Variants in RAD51D observed in about 807,000 individuals in gnomAD.
RAD51D encodes DNA repair protein RAD51 homolog 4.
In RAD51D, 38 loss-of-function variants were observed where a neutral mutation model predicts 44.1. That is an observed-to-expected ratio of 0.86 (90% CI 0.67 to 1.13). RAD51D has a LOEUF of 1.13. Among genes scored for constraint, RAD51D ranks in the 50% most tolerant of loss-of-function variants. RAD51D has a pLI of 0.00. For synonymous variants in RAD51D, 141 were observed against 166.6 expected (o/e 0.85, Z 1.18); for missense variants, 390 against 414.0 (o/e 0.94, Z 0.50).
Position 35,119,666 on chromosome 17 carries a change from C to T in RAD51D, c.-53G>A, listed in dbSNP as rs769783842. On this transcript the variant is annotated 5_prime_UTR_variant, in exon 1 of 10. Transcript: ENST00000345365. ...GGGGACTGCACGTCACGTGGGCATT[C>T]GCGGGGGGTCCTCTCCAGACGCCCC... 8 of 1,584,566 alleles carry T rather than the reference C, an allele frequency of 5.0e-6. No individual in the cohort carries two copies. The South Asian group carries it at 8.8e-5, about 17-fold the overall frequency.
At position 35,100,492 on chromosome 17, in the gene RAD51D, GGGCCCCCATCTAACAAAT is replaced by G. The variant is rs1297342399; in HGVS notation, c.*443_*460del. ...CTCAGAGACAGAGCTAAGGAAGAGT[GGGCCCCCATCTAACAAAT>G]GGAAAGGCAGAGACAAAAGAAAAAA... On this transcript the variant is annotated 3_prime_UTR_variant, in exon 10 of 10. Coordinates refer to ENST00000345365, the MANE Select transcript of RAD51D (RefSeq NM_002878.4). The G allele has an allele frequency of 1.9e-6, 1 of 536,014 alleles. No individual in the cohort carries two copies. The highest frequency in any genetic ancestry group is 3.6e-6 in the Non-Finnish European group (1 of 277,626). The allele number at this position is 536,014 out of a possible 1,614,324, so 33.2% of individuals were successfully genotyped here. A position where few individuals can be genotyped will look rare whatever the true frequency, so the allele number is the denominator to read the frequency against.
Position 35,102,262 on chromosome 17 carries a change from C to T in RAD51D, c.739-897G>A, listed in dbSNP as rs143883497. Among the ~76,000 whole-genome samples, 1,378 of 151,544 alleles carry T rather than the reference C, an allele frequency of 9.1e-3. 24 individuals are homozygous for T. Among genetic ancestry groups the T allele is most frequent in the African/African-American group, 0.032 (1,304 of 41,384 alleles). ...GCATGATCACAGCTCACTGCAGCCT[C>T]GATCTCCCAGGCTCAAGCAATTCTC... On this transcript the variant is annotated intron_variant, in intron 8 of 9. Transcript: ENST00000345365.
chr17:35,119,298 G>A, intron 1 of RAD51D, 126 bp from the exon 2 acceptor site: 1 of 999,278 alleles, frequency 1.0e-6, no homozygotes, highest in Non-Finnish European at 1.6e-6. Flanking sequence ...AGGCCAGTGT[G>A]AAATAACAAA....
At chr17:35,119,260 A>G (rs1249860380) in intron 1 of RAD51D, 88 bp from the exon 2 acceptor site, 6 of 1,259,972 alleles carry the variant, frequency 4.8e-6, no homozygotes, top group East Asian at 2.3e-5. Flanking sequence ...TGGGGTGTCA[A>G]TTCTACCCCC....
rs1308919400 is a variant in RAD51D, at chr17:35,119,644, G to A, written c.-31C>T. 1 of 1,605,106 alleles carries A rather than the reference G, an allele frequency of 6.2e-7. No homozygotes were observed. The highest frequency in any genetic ancestry group is 8.5e-7 in the Non-Finnish European group (1 of 1,178,554). ...CCGCAGGCCGGAACAGCCCCAGGGG[G>A]ACTGCACGTCACGTGGGCATTCGCG... On this transcript the variant is annotated 5_prime_UTR_variant, in exon 1 of 10. Coordinates refer to ENST00000345365, the MANE Select transcript of RAD51D (RefSeq NM_002878.4).
chr17:35,118,549 T>G lies in RAD51D; in HGVS notation c.215A>C (p.Tyr72Ser). 2 of 1,614,146 alleles carry G rather than the reference T, an allele frequency of 1.2e-6. No individual in the cohort carries two copies. The highest frequency in any genetic ancestry group is 1.7e-6 in the Non-Finnish European group (2 of 1,180,028). The change falls in exon 3 of 10, where the codon TAC becomes TCC. Residue 72 changes from tyrosine (Y) to serine (S), a missense_variant. Transcript: ENST00000345365. ...SAFPVNGADL[Y>S]EELKTSTAIL... ...GGCAGTGGAGGTCTTCAGTTCCTCG[T>G]AGAGATCAGCGCCATTCACGGGGAA... is the stretch of plus-strand genomic sequence containing the variant.
rs903265975 is a variant in RAD51D at position 35,095,507 on chromosome 17, G to A, written c.*5446C>T. On this transcript the variant is annotated 3_prime_UTR_variant, in exon 10 of 10. Transcript: ENST00000345365. ...CAAACAAAAGCTAAATTTGGCCTGA[G>A]GGCTAGTCACAGTGGGTCATGCCTA... 6.6e-5 allele frequency: 10 copies of A among 151,932 alleles called. No homozygotes were observed. The highest frequency in any genetic ancestry group is 5.3e-4 in the Admixed American group (8 of 15,210). 9.4% of individuals were successfully genotyped at this position (151,932 alleles called of 1,614,324 possible). A position where few individuals can be genotyped will look rare whatever the true frequency, so the allele number is the denominator to read the frequency against.
At chr17:35,105,725 G>A (rs3785755) in intron 6 of RAD51D, among the ~76,000 whole-genome samples, 2,365 of 152,190 alleles carry the variant, frequency 0.016, 63 homozygotes, top group East Asian at 0.13. Context: ...CAGCGACTGG[G>A]CAGAAATCTG....
At chr17:35,111,686 C>T (rs776778226) in intron 3 of RAD51D, among the ~76,000 whole-genome samples, 2 of 152,130 alleles carry the variant, frequency 1.3e-5, no homozygotes, top group Non-Finnish European at 2.9e-5. Flanking sequence ...AATTATGTAG[C>T]TATATAGCAA....
Position 35,119,556 on chromosome 17 carries a change from G to A in RAD51D, c.58C>T (p.Leu20Phe), listed in dbSNP as rs1555570487. 2 of 1,612,736 alleles carry A rather than the reference G, an allele frequency of 1.2e-6. No individual in the cohort carries two copies. The highest frequency in any genetic ancestry group is 2.7e-5 in the African/African-American group (2 of 75,054). The change falls in exon 1 of 10, where the codon CTC becomes TTC. Residue 20 changes from leucine to phenylalanine, a missense_variant. Leu to Phe is a conservative substitution (Grantham distance 22). Coordinates refer to ENST00000345365, the MANE Select transcript of RAD51D (RefSeq NM_002878.4). ...PGLTEEMIQL[L>F]RSHRIKTVVD... ...CCTGTCTTGATCCTGTGGCTCCTGAGAAGCTGGATCATCTCCTCGGTAAGG... is the reference window on the plus strand; with the variant it reads ...CCTGTCTTGATCCTGTGGCTCCTGAAAAGCTGGATCATCTCCTCGGTAAGG...
At chr17:35,107,951 T>C (rs1026226189) in intron 3 of RAD51D, among the ~76,000 whole-genome samples, 5 of 151,562 alleles carry the variant, frequency 3.3e-5, no homozygotes, top group Non-Finnish European at 1.5e-5. Flanking sequence ...GGTTTCACCA[T>C]GTTGGCCAGC....
intron 3 of RAD51D, among the ~76,000 whole-genome samples, chr17:35,112,282 T>C (rs1397106244): frequency 6.6e-6 from 1 of 152,146 alleles, no homozygotes; most frequent in Non-Finnish European, 1.5e-5. Flanking sequence ...TTCTCTGTGT[T>C]AGCCAGGATG....
chr17:35,113,649 A>C (rs1024259891), intron 3 of RAD51D: 2 of 354,966 alleles, frequency 5.6e-6, no homozygotes, highest in Non-Finnish European at 1.1e-5. Context: ...TTACCACTCT[A>C]GCCCTGTGGC....
Position 35,092,927 on chromosome 17 carries a change from A to G in RAD51D, c.*8026T>C, listed in dbSNP as rs928792366. The G allele has an allele frequency of 4.5e-4, 69 of 152,366 alleles. No homozygotes were observed. Among genetic ancestry groups the G allele is most frequent in the African/African-American group, 1.7e-3 (69 of 41,574 alleles). The allele number at this position is 152,366 out of a possible 1,614,324, so 9.4% of individuals were successfully genotyped here. A position where few individuals can be genotyped will look rare whatever the true frequency, so the allele number is the denominator to read the frequency against. On this transcript the variant is annotated 3_prime_UTR_variant, in exon 10 of 10. Coordinates refer to ENST00000345365, the MANE Select transcript of RAD51D (RefSeq NM_002878.4). ...CATTCCTGGAGACAGAACTGGCTAC[A>G]CTGTTTGCAAGAAACAGTGCAAAAT... is the stretch of plus-strand genomic sequence containing the variant.
At position 35,107,256 on chromosome 17, in the gene RAD51D, C is replaced by T. The variant is rs1160044721; in HGVS notation, c.345+110G>A. The T allele has an allele frequency of 2.1e-6, 3 of 1,448,564 alleles. No homozygotes were observed. The Admixed American group carries it at 5.1e-5, about 24-fold the overall frequency. 89.7% of individuals were successfully genotyped at this position (1,448,564 alleles called of 1,614,324 possible). ...CCCCATTCCTTATTACCCATCTTCT[C>T]TCTGTTGGGCTCTGAACCCATTAGT... is the stretch of plus-strand genomic sequence containing the variant. On this transcript the variant is annotated intron_variant, in intron 4 of 9. Transcript: ENST00000345365.
At position 35,094,141 on chromosome 17, in the gene RAD51D, AC is replaced by A. The variant is rs1249000259; in HGVS notation, c.*6811del. ...TTTTGAGATGGAGTCTTGTTCCGTC[AC>A]CCAGACTGGAGTGCAGTAGTGTGAT... On this transcript the variant is annotated 3_prime_UTR_variant, in exon 10 of 10. Coordinates refer to ENST00000345365, the MANE Select transcript of RAD51D (RefSeq NM_002878.4). 2 of 152,316 alleles carry A rather than the reference AC, an allele frequency of 1.3e-5. No individual in the cohort carries two copies. 9.4% of individuals were successfully genotyped at this position (152,316 alleles called of 1,614,324 possible).
At chr17:35,108,790 ATTATG>A (rs1162856655) in intron 3 of RAD51D, among the ~76,000 whole-genome samples, 1 of 151,594 alleles carries the variant, frequency 6.6e-6, no homozygotes, top group Non-Finnish European at 1.5e-5. Context: ...ACTAATCTCT[ATTATG>A]TTATTTCAAG....
In RAD51D at chr17:35,103,878, G is replaced by C. The variant is rs1265173140; in HGVS notation, c.577-334C>G. ...GGATCACTTGAGGTCAGGAGTTCGA[G>C]ACCAGCCTGGCCAACATGGTGAAAC... is the stretch of plus-strand genomic sequence containing the variant. On this transcript the variant is annotated intron_variant, in intron 6 of 9. Transcript: ENST00000345365. This position sits in a 1 kb window ranked among gnomAD's most constrained non-coding sequence, Gnocchi z 4.1. 5.3e-5 allele frequency among the ~76,000 whole-genome samples: 8 copies of C among 152,310 alleles called. No individual in the cohort carries two copies. Among genetic ancestry groups the C allele is most frequent in the South Asian group, 2.1e-4 (1 of 4,826 alleles).
intron 6 of RAD51D, 70 bp downstream of exon 6, chr17:35,106,316 G>T: frequency 7.8e-7 from 1 of 1,278,418 alleles, no homozygotes; most frequent in Admixed American, 1.7e-5. Flanking sequence ...GTCTGTAGTA[G>T]GACACCTGCC....
Sources: allele counts gnomAD v4.1 joint callset (sites outside exome capture counted in the v4.1 genomes callset), GRCh38; gene constraint gnomAD v4.1.1; non-coding constraint Gnocchi (gnomAD v3.1); transcripts MANE v1.5; gene names NCBI Gene and HGNC (gene_info 2026-07-23, HGNC 2026-07-21).